The following CCDC180 variants were observed in gnomAD, a reference collection of about 807,000 sequenced individuals.
CCDC180 encodes the protein coiled-coil domain containing 180, also known as coiled-coil domain-containing protein 180.
Under a neutral mutation model 209.2 loss-of-function variants are expected in CCDC180, and 154 were observed. The observed-to-expected ratio is 0.74, with a 90% CI of 0.65 to 0.84. The LOEUF is 0.84. Ranked by LOEUF, CCDC180 falls within the 40% of genes least tolerant of loss-of-function variation. The pLI, the probability that CCDC180 is intolerant of heterozygous loss-of-function variation, is 0.00. For missense variants in CCDC180, 1,874 were observed against 1,997.3 expected (o/e 0.94, Z 1.18); for synonymous variants, 778 against 749.1 (o/e 1.04, Z -0.63).
intron 20 of CCDC180, chr9:97,347,744 AAGAGTGTTGTACTGTTTT>A (rs1253040334): frequency 9.0e-6 from 4 of 444,610 alleles, no homozygotes; most frequent in Non-Finnish European, 1.6e-5. Context: ...GTTGAAAACA[AAGAGTGTTGTACTGTTTT>A]AGCTCTTGGA....
chr9:97,370,734 G>T lies in CCDC180; in HGVS notation c.4444G>T (p.Glu1482Ter), dbSNP rs145866905. The change falls in exon 33 of 37, where the codon GAA (glutamate) becomes TAA (stop). Residue 1482 changes from glutamate to a stop codon, truncating the protein, a stop_gained. Transcript: ENST00000529487. LOFTEE classifies it high-confidence loss of function. ...ACACTTAAGTGAAGAGGAAAGGCAG[G>T]AAGAGCTGGACAGCATGATTAGGAT... is the stretch of plus-strand genomic sequence containing the variant. ...SLHLSEEERQ[E>*]ELDSMIRMNK... The T allele has an allele frequency of 2.0e-5, 32 of 1,614,162 alleles. No individual in the cohort carries two copies. Among genetic ancestry groups the T allele is most frequent in the Non-Finnish European group, 2.7e-5 (32 of 1,180,020 alleles).
At chr9:97,311,789 C>T (rs1266484965) in intron 3 of CCDC180, among the ~76,000 whole-genome samples, 5 of 152,176 alleles carry the variant, frequency 3.3e-5, no homozygotes, top group Non-Finnish European at 7.3e-5. Context: ...CTGCTCGTAC[C>T]CCTTCTGATC....
At position 97,325,184 on chromosome 9, in the gene CCDC180, G is replaced by C. The variant is rs1322109398; in HGVS notation, c.1537G>C (p.Glu513Gln). The C allele has an allele frequency of 1.9e-6, 3 of 1,595,198 alleles. No individual in the cohort carries two copies. The highest frequency in any genetic ancestry group is 2.6e-6 in the Non-Finnish European group (3 of 1,170,592). Residue 513 changes from glutamate to glutamine, a missense_variant, in exon 14 of 37, where the codon GAG (glutamate) becomes CAG (glutamine). Physicochemically the swap from Glu to Gln is conservative, Grantham distance 29. Transcript: ENST00000529487. ...MEQHRQKHSL[E>Q]SQVQEAHLDR... is the part of the protein sequence containing the mutation. ...GCAGCACCGGCAGAAGCACAGCCTGGAGAGCCAGGTGAGACCCACACCCGG... is the reference window on the plus strand; with the variant it reads ...GCAGCACCGGCAGAAGCACAGCCTGCAGAGCCAGGTGAGACCCACACCCGG...
chr9:97,355,780 G>A lies in CCDC180; in HGVS notation c.3264+772G>A, dbSNP rs1005522106. 5.3e-5 allele frequency among the ~76,000 whole-genome samples: 8 copies of A among 152,208 alleles called. No homozygotes were observed. In the South Asian group the frequency reaches 8.3e-4, roughly 16 times the overall value. Reference sequence around the variant, plus strand: ...TGAGGGGCCAGAGGACTTAACCTGGGCTAAGAAAGTGGGGATTCCAGAGGC... The same window carrying A: ...TGAGGGGCCAGAGGACTTAACCTGGACTAAGAAAGTGGGGATTCCAGAGGC... On this transcript the variant is annotated intron_variant, in intron 24 of 36. Coordinates refer to ENST00000529487, the MANE Select transcript of CCDC180 (RefSeq NM_020893.6).
At chr9:97,355,432 A>C (rs1308909274) in intron 24 of CCDC180, among the ~76,000 whole-genome samples, 1 of 152,234 alleles carries the variant, frequency 6.6e-6, no homozygotes, top group Non-Finnish European at 1.5e-5. Flanking sequence ...CTGGCATTAC[A>C]GACATGAGCC....
intron 18 of CCDC180, among the ~76,000 whole-genome samples, chr9:97,332,142 G>T (rs1033193725): frequency 2.0e-5 from 3 of 152,110 alleles, no homozygotes; most frequent in Non-Finnish European, 1.5e-5. Context: ...TTATTAAATG[G>T]GTAGTCATTT....
chr9:97,318,680 C>G (rs554120756), intron 10 of CCDC180, 98 bp downstream of exon 10: 2 of 1,492,944 alleles, frequency 1.3e-6, no homozygotes, highest in Admixed American at 1.8e-5. Flanking sequence ...ATCCTTCAGA[C>G]TAAGCAGACC....
rs1218716229 is a variant in CCDC180 at position 97,377,477 on chromosome 9, ACT to A, written c.*588_*589del. 2 of 151,710 alleles carry A rather than the reference ACT, an allele frequency of 1.3e-5. No individual in the cohort carries two copies. Among genetic ancestry groups the A allele is most frequent in the Admixed American group, 6.6e-5 (1 of 15,232 alleles). The allele number at this position is 151,710 out of a possible 1,614,324, so 9.4% of individuals were successfully genotyped here. The stretch of plus-strand genomic sequence containing the variant: ...CAGCCTGCCAGTCTCTTGTTCGTCA[ACT>A]CTCTTCTTCAATTACATGGCGTGAG... On this transcript the variant is annotated 3_prime_UTR_variant, in exon 37 of 37. Coordinates refer to ENST00000529487, the MANE Select transcript of CCDC180 (RefSeq NM_020893.6).
intron 34 of CCDC180, chr9:97,373,709 A>T (rs1171330400): frequency 2.6e-5 from 4 of 152,376 alleles, no homozygotes; most frequent in Admixed American, 2.6e-4. Flanking sequence ...GCTGAAGAGA[A>T]TCTCTGCATC....
At position 97,325,063 on chromosome 9, in the gene CCDC180, A is replaced by C. The variant is rs3747496; in HGVS notation, c.1416A>C (p.Ser472=). The C allele has an allele frequency of 1.5e-5, 25 of 1,613,450 alleles. No individual in the cohort carries two copies. In the African/African-American group the frequency reaches 3.3e-4, roughly 22 times the overall value. ...CAGATCAGACAGAGTGGCAGAGTTCACACCTCTTCAAGTATTTCCAGGAGG... is the reference window on the plus strand; with the variant it reads ...CAGATCAGACAGAGTGGCAGAGTTCCCACCTCTTCAAGTATTTCCAGGAGG... ...TLADQTEWQS[S]HLFKYFQEVV... Residue 472 remains serine, a synonymous_variant, in exon 14 of 37, where the codon TCA becomes TCC. Coordinates refer to ENST00000529487, the MANE Select transcript of CCDC180 (RefSeq NM_020893.6).
At chr9:97,330,913 A>G (rs375662550) in intron 18 of CCDC180, 146 bp downstream of exon 18, 16 of 841,944 alleles carry the variant, frequency 1.9e-5, no homozygotes, top group Middle Eastern at 3.6e-4. Flanking sequence ...CATACTATTC[A>G]TACTTTAAAA....
In CCDC180 at chr9:97,349,286, C is replaced by G. The variant is rs1192689758; in HGVS notation, c.2850C>G (p.Ser950Arg). 1 of 1,536,408 alleles carries G rather than the reference C, an allele frequency of 6.5e-7. No individual in the cohort carries two copies. Among genetic ancestry groups the G allele is most frequent in the South Asian group, 1.2e-5 (1 of 84,030 alleles). ...MEHIFLNATR[S>R]QKLVTLSNTL... is the part of the protein sequence containing the mutation. Reference sequence around the variant, plus strand: ...ACATCTTCTTGAATGCCACCAGGAGCCAAAAGTAAGGGGTCCTGGGAGTCT... The same window carrying G: ...ACATCTTCTTGAATGCCACCAGGAGGCAAAAGTAAGGGGTCCTGGGAGTCT... Residue 950 changes from serine to arginine, a missense_variant, in exon 21 of 37, where the codon AGC becomes AGG. By Grantham distance (110) the Ser-to-Arg change is moderately radical. Transcript: ENST00000529487.
chr9:97,315,103 C>T (rs183480324), intron 8 of CCDC180, among the ~76,000 whole-genome samples, 157 bp downstream of exon 8: 2 of 152,136 alleles, frequency 1.3e-5, no homozygotes, highest in Non-Finnish European at 2.9e-5. Context: ...GGTAGAGAAG[C>T]AGAGTCCTTG....
intron 3 of CCDC180, among the ~76,000 whole-genome samples, chr9:97,310,775 C>T (rs1335124898): frequency 2.6e-5 from 4 of 152,168 alleles, no homozygotes; most frequent in African/African-American, 9.7e-5. Flanking sequence ...CCCAAAACTC[C>T]TGACCCTCAT....
At chr9:97,354,465 A>G (rs1826509718) in intron 22 of CCDC180, 104 bp from the exon 23 acceptor site, 1 of 1,167,580 alleles carries the variant, frequency 8.6e-7, no homozygotes, top group Non-Finnish European at 1.2e-6. Context: ...CTTGAACTCT[A>G]ACCGGAAGCC....
intron 10 of CCDC180, 83 bp from the exon 11 acceptor site, chr9:97,320,043 C>G: frequency 9.9e-7 from 1 of 1,012,136 alleles, no homozygotes; most frequent in Non-Finnish European, 1.6e-6. Flanking sequence ...TTTTCTGGAG[C>G]TATGTTCCTT....
chr9:97,318,567 A>T lies in CCDC180; in HGVS notation c.1064A>T (p.His355Leu), dbSNP rs963320818. The T allele has an allele frequency of 2.5e-6, 4 of 1,612,922 alleles. No individual in the cohort carries two copies. The African/African-American group carries it at 5.3e-5, about 22-fold the overall frequency. The part of the protein sequence containing the change: ...QNVLQQRRLK[H>L]LCTICDLLPP... ...GTCCTGCAGCAAAGGCGGCTGAAGC[A>T]TCTCTGCACCATCTGGTATGGGCAG... Residue 355 changes from histidine to leucine, a missense_variant, in exon 10 of 37, where the codon CAT (histidine) becomes CTT (leucine). Coordinates refer to ENST00000529487, the MANE Select transcript of CCDC180 (RefSeq NM_020893.6).
rs1826703476 is a variant in CCDC180 at position 97,359,993 on chromosome 9, A to G, written c.3375A>G (p.Thr1125=). ...ESRGEKTTVT[T]EELLSFVQTW... ...CCTTTTCTCACCAGACAGTGACCAC[A>G]GAAGAACTCCTCAGCTTCGTCCAAA... The change falls in exon 26 of 37, where the codon ACA becomes ACG. Residue 1125 remains threonine (T), a synonymous_variant. Transcript: ENST00000529487. 6.2e-7 allele frequency: 1 copy of G among 1,613,762 alleles called. No homozygotes were observed. Among genetic ancestry groups the G allele is most frequent in the African/African-American group, 1.3e-5 (1 of 74,888 alleles).
intron 16 of CCDC180, among the ~76,000 whole-genome samples, chr9:97,328,471 C>A (rs1833607589): frequency 6.6e-6 from 1 of 152,150 alleles, no homozygotes; most frequent in Non-Finnish European, 1.5e-5. Flanking sequence ...CACCTACTCT[C>A]CTGCAAAATC....
Sources: allele counts gnomAD v4.1 joint callset (sites outside exome capture counted in the v4.1 genomes callset), GRCh38; gene constraint gnomAD v4.1.1; transcripts MANE v1.5; gene names NCBI Gene and HGNC (gene_info 2026-07-23, HGNC 2026-07-21).